The following HYDIN variants were observed in gnomAD, a reference collection of about 807,000 sequenced individuals.
The protein encoded by HYDIN is HYDIN axonemal central pair apparatus protein.
A neutral mutation model predicts 403.9 loss-of-function variants in HYDIN; 132 were observed. The ratio of observed to expected loss-of-function variants is 0.33; its 90% CI spans 0.28 to 0.38. HYDIN has a LOEUF of 0.38. HYDIN is among the 10% of genes least tolerant of loss of function. HYDIN has a pLI of 1.00. For missense variants in HYDIN, 2,827 were observed against 5,009.5 expected (o/e 0.56, Z 13.15); for synonymous variants, 1,202 against 1,891.7 (o/e 0.64, Z 9.46).
chr16:70,892,217 C>G (rs1229901701), intron 56 of HYDIN, 144 bp downstream of exon 56: 1 of 736,544 alleles, frequency 1.4e-6, no homozygotes, highest in Non-Finnish European at 2.1e-6. Context: ...TAGGACAGAA[C>G]CCCGGTGTAT....
chr16:71,129,639 C>T lies in HYDIN; in HGVS notation c.1227+1G>A, dbSNP rs2084624372. 6.2e-7 allele frequency: 1 copy of T among 1,611,586 alleles called. No individual in the cohort carries two copies. Among genetic ancestry groups the T allele is most frequent in the Admixed American group, 1.7e-5 (1 of 59,644 alleles). ...TGGTCAGCTTTTATTTATATGCTCA[C>T]CAGGGGCTCCACAGTGAAAACGTTA... On this transcript the variant is annotated splice_donor_variant, in intron 9 of 85. Transcript: ENST00000393567. LOFTEE classifies it high-confidence loss of function.
At chr16:70,850,353 T>C (rs1354243953) in intron 74 of HYDIN, 95 bp downstream of exon 74, 15 of 934,766 alleles carry the variant, frequency 1.6e-5, no homozygotes, top group Non-Finnish European at 2.4e-5. Context: ...TCTCTGGCAT[T>C]TGAAGCAGAA....
chr16:70,807,212 A>T lies in HYDIN; in HGVS notation c.*368T>A, dbSNP rs1435957650. Among the ~76,000 whole-genome samples the T allele has an allele frequency of 1.3e-5, 2 of 152,230 alleles. No homozygotes were observed. The highest frequency in any genetic ancestry group is 2.9e-5 in the Non-Finnish European group (2 of 68,034). ...TTGGATTTTAAAAAGAAACTGCAGT[A>T]CCCAGCGTCACGCATTGCTAAGTGT... On this transcript the variant is annotated 3_prime_UTR_variant, in exon 86 of 86. Coordinates refer to ENST00000393567, the MANE Select transcript of HYDIN (RefSeq NM_001270974.2).
chr16:71,010,723 G>A (rs2080054362), intron 23 of HYDIN, among the ~76,000 whole-genome samples: 1 of 152,230 alleles, frequency 6.6e-6, no homozygotes, highest in Non-Finnish European at 1.5e-5. Flanking sequence ...TGGTTTAAGG[G>A]TACTTAGTGC....
intron 45 of HYDIN, among the ~76,000 whole-genome samples, chr16:70,923,469 CAAAAA>C (rs59968942): frequency 3.5e-5 from 1 of 28,274 alleles, no homozygotes; most frequent in Non-Finnish European, 8.0e-5. Context: ...ACTCCATCTC[CAAAAA>C]AAAAAAAAAA....
chr16:70,809,877 T>C lies in HYDIN; in HGVS notation c.14789A>G (p.Lys4930Arg). Residue 4930 changes from lysine to arginine, a missense_variant, in exon 85 of 86, where the codon AAG (lysine) becomes AGG (arginine). Physicochemically the swap from Lys to Arg is conservative, Grantham distance 26. Coordinates refer to ENST00000393567, the MANE Select transcript of HYDIN (RefSeq NM_001270974.2). The stretch of plus-strand genomic sequence containing the variant: ...AAGGACAGTCTGGAAGTGAACAGGC[T>C]TTTCCGGAAGTGCTGGCGTGGCTTT... ...YLKATPALPE[K>R]PVHFQTVLGS... The C allele has an allele frequency of 6.2e-7, 1 of 1,614,204 alleles. No individual in the cohort carries two copies. Among genetic ancestry groups the C allele is most frequent in the East Asian group, 2.2e-5 (1 of 44,880 alleles).
chr16:71,213,247 CG>C (rs1366096739), intron 1 of HYDIN, among the ~76,000 whole-genome samples: 1 of 151,824 alleles, frequency 6.6e-6, no homozygotes, highest in African/African-American at 2.4e-5. Flanking sequence ...GAAGAAATGG[CG>C]GGGGAAACAT....
At chr16:71,191,069 A>G (rs2087412024) in intron 1 of HYDIN, among the ~76,000 whole-genome samples, 1 of 152,206 alleles carries the variant, frequency 6.6e-6, no homozygotes, top group Non-Finnish European at 1.5e-5. Context: ...ACAAGAGTAG[A>G]CCTTGTTTGG....
chr16:71,181,669 A>G (rs2086910416), intron 3 of HYDIN, among the ~76,000 whole-genome samples: 1 of 152,228 alleles, frequency 6.6e-6, no homozygotes, highest in Non-Finnish European at 1.5e-5. Flanking sequence ...CAAAGAGCAC[A>G]AAGCAAATAT....
chr16:70,862,184 G>T lies in HYDIN; in HGVS notation c.11641C>A (p.His3881Asn), dbSNP rs767922224. Reference protein sequence around the residue: ...TGSTLDSTMDHWAEGSPQPFS... With the variant: ...TGSTLDSTMDNWAEGSPQPFS... Reference sequence around the variant, plus strand: ...GGCTGTGGGGAACCCTCGGCCCAGTGGTCCATGGTGCTGTCCAGGGTGCTG... The same window carrying T: ...GGCTGTGGGGAACCCTCGGCCCAGTTGTCCATGGTGCTGTCCAGGGTGCTG... Residue 3881 changes from histidine to asparagine, a missense_variant, in exon 69 of 86, where the codon CAC (histidine) becomes AAC (asparagine). By Grantham distance (68) the His-to-Asn change is moderately conservative (BLOSUM62 1). Coordinates refer to ENST00000393567, the MANE Select transcript of HYDIN (RefSeq NM_001270974.2). 4.0e-5 allele frequency: 64 copies of T among 1,613,480 alleles called. No homozygotes were observed. The highest frequency in any genetic ancestry group is 5.3e-5 in the Non-Finnish European group (62 of 1,179,904).
intron 62 of HYDIN, among the ~76,000 whole-genome samples, chr16:70,877,580 C>T (rs1449463489): frequency 1.3e-5 from 2 of 152,172 alleles, no homozygotes; most frequent in Non-Finnish European, 2.9e-5. Context: ...GATAATCAGG[C>T]ATTAGATTCT....
intron 6 of HYDIN, among the ~76,000 whole-genome samples, chr16:71,156,125 T>A (rs1205835011): frequency 2.0e-5 from 3 of 151,442 alleles, no homozygotes; most frequent in East Asian, 1.9e-4. Context: ...AATTGGATAT[T>A]ATTATATTGC....
chr16:71,009,249 G>A (rs1203733906), intron 23 of HYDIN, among the ~76,000 whole-genome samples: 2 of 143,320 alleles, frequency 1.4e-5, no homozygotes, highest in African/African-American at 5.5e-5. Flanking sequence ...GAGGTAATAT[G>A]GCAGAGGGCA....
chr16:71,188,234 A>G (rs1347155654), intron 1 of HYDIN, among the ~76,000 whole-genome samples: 1 of 152,046 alleles, frequency 6.6e-6, no homozygotes, highest in Non-Finnish European at 1.5e-5. Flanking sequence ...GGCTCAAGCA[A>G]TCCTCCAACC....
chr16:71,137,648 T>C (rs1014769582), intron 7 of HYDIN, among the ~76,000 whole-genome samples: 17 of 152,156 alleles, frequency 1.1e-4, no homozygotes, highest in African/African-American at 4.1e-4. Context: ...CTTTCAATCC[T>C]ACAGCCTGAC....
At position 70,834,578 on chromosome 16, in the gene HYDIN, T is replaced by C. The variant is rs1033492187; in HGVS notation, c.13402-414A>G. ...AAATGCAGATTCCGGTTGGGTGCCG[T>C]GGCTCACGCCTGTAATCCCAGCACT... is the stretch of plus-strand genomic sequence containing the variant. On this transcript the variant is annotated intron_variant, in intron 78 of 85. Transcript: ENST00000393567. Among the ~76,000 whole-genome samples the C allele has an allele frequency of 3.9e-5, 6 of 152,216 alleles. No individual in the cohort carries two copies. The South Asian group carries it at 1.0e-3, about 26-fold the overall frequency.
intron 1 of HYDIN, among the ~76,000 whole-genome samples, chr16:71,189,172 T>C (rs2087297037): frequency 6.6e-6 from 1 of 152,114 alleles, no homozygotes; most frequent in African/African-American, 2.4e-5. Flanking sequence ...TAGGAATCTA[T>C]CCAAATGATA....
chr16:70,928,732 T>G (rs1597346031), intron 45 of HYDIN, among the ~76,000 whole-genome samples: 1 of 120,092 alleles, frequency 8.3e-6, no homozygotes, highest in South Asian at 3.5e-4. Flanking sequence ...ACTTTCTTTT[T>G]AAGGAATAAC....
intron 1 of HYDIN, among the ~76,000 whole-genome samples, chr16:71,217,271 G>A (rs1222070668): frequency 2.0e-5 from 3 of 152,056 alleles, no homozygotes; most frequent in Non-Finnish European, 2.9e-5. Flanking sequence ...TTTAAGTCTC[G>A]ATGATGCCCC....
Sources: allele counts gnomAD v4.1 joint callset (sites outside exome capture counted in the v4.1 genomes callset), GRCh38; gene constraint gnomAD v4.1.1; transcripts MANE v1.5; gene names NCBI Gene and HGNC (gene_info 2026-07-23, HGNC 2026-07-21).